UBA6: variants seen among roughly 807,000 people sequenced by gnomAD.
UBA6 encodes the protein ubiquitin-like modifier-activating enzyme 6.
Under a neutral mutation model 148.3 loss-of-function variants are expected in UBA6, and 87 were observed. The ratio of observed to expected loss-of-function variants is 0.59; its 90% CI spans 0.49 to 0.70. The LOEUF (loss-of-function observed/expected upper bound fraction) is 0.70, where lower values mean the gene tolerates loss of function less well. Ranked by LOEUF, UBA6 falls within the 30% of genes least tolerant of loss-of-function variation. UBA6 has a pLI of 0.00. For synonymous variants in UBA6, 376 were observed against 401.0 expected (o/e 0.94, Z 0.75); for missense variants, 1,186 against 1,241.2 (o/e 0.96, Z 0.67).
At chr4:67,658,898 C>T (rs562823845) in intron 13 of UBA6, among the ~76,000 whole-genome samples, 9 of 152,146 alleles carry the variant, frequency 5.9e-5, no homozygotes, top group Admixed American at 1.3e-4. Flanking sequence ...TTTTGCATTA[C>T]GGAATGGTTT....
At chr4:67,638,814 G>A (rs147301480) in intron 19 of UBA6, 129 bp downstream of exon 19, 27 of 605,364 alleles carry the variant, frequency 4.5e-5, no homozygotes, top group Admixed American at 3.2e-4. Context: ...AAGGGTTTGT[G>A]TTTGAGGAGT....
In UBA6 at chr4:67,665,236, G is replaced by A; in HGVS notation, c.850C>T (p.His284Tyr). 1.9e-6 allele frequency: 3 copies of A among 1,607,326 alleles called. No homozygotes were observed. Among genetic ancestry groups the A allele is most frequent in the Non-Finnish European group, 2.5e-6 (3 of 1,178,066 alleles). The change falls in exon 10 of 33, where the codon CAT (histidine) becomes TAT (tyrosine). Residue 284 changes from histidine (H) to tyrosine (Y), a missense_variant. His to Tyr is a moderately conservative substitution (Grantham distance 83). Coordinates refer to ENST00000322244, the MANE Select transcript of UBA6 (RefSeq NM_018227.6). ...GDTTELEPYL[H>Y]GGIAVQVKTP... ...TTAACTTGGACAGCTATGCCTCCATGTAAATATGGTTCCAGTTCTGTGGTG... is the reference window on the plus strand; with the variant it reads ...TTAACTTGGACAGCTATGCCTCCATATAAATATGGTTCCAGTTCTGTGGTG...
chr4:67,641,420 G>A lies in UBA6; in HGVS notation c.1477-192C>T, dbSNP rs752626296. On this transcript the variant is annotated intron_variant, in intron 17 of 32. Coordinates refer to ENST00000322244, the MANE Select transcript of UBA6 (RefSeq NM_018227.6). ...TATGTTTTATTTAATTGTAATTAAT[G>A]TTTTACATAGGAGCACATCAAACAA... Among the ~76,000 whole-genome samples the A allele has an allele frequency of 1.7e-4, 26 of 152,250 alleles. No individual in the cohort carries two copies. In the Middle Eastern group the frequency reaches 0.01, roughly 60 times the overall value.
Position 67,649,178 on chromosome 4 carries a change from A to T in UBA6, c.1138T>A (p.Ser380Thr). Residue 380 changes from serine to threonine, a missense_variant, in exon 14 of 33, where the codon TCT (serine) becomes ACT (threonine). Transcript: ENST00000322244. ...DVNADIVHWL[S>T]WTAQGFLSPL... is the part of the protein sequence containing the mutation. ...GATAAAAAGCCTTGGGCAGTCCAAG[A>T]GAGCCAATGCACAATGTCAGCATTT... The T allele has an allele frequency of 6.2e-7, 1 of 1,612,922 alleles. No homozygotes were observed. Among genetic ancestry groups the T allele is most frequent in the Non-Finnish European group, 8.5e-7 (1 of 1,179,562 alleles).
At chr4:67,656,007 A>C (rs1729680420) in intron 13 of UBA6, among the ~76,000 whole-genome samples, 1 of 152,242 alleles carries the variant, frequency 6.6e-6, no homozygotes, top group Non-Finnish European at 1.5e-5. Context: ...GAATCTCTGA[A>C]TAGAACAATA....
intron 9 of UBA6, among the ~76,000 whole-genome samples, chr4:67,667,151 C>T (rs1361356956): frequency 6.6e-6 from 1 of 152,044 alleles, no homozygotes; most frequent in African/African-American, 2.4e-5. Flanking sequence ...TTCACCACAA[C>T]ATGGACCCCG....
intron 1 of UBA6, among the ~76,000 whole-genome samples, chr4:67,700,460 G>A (rs1482011337): frequency 6.6e-6 from 1 of 151,940 alleles, no homozygotes; most frequent in Admixed American, 6.5e-5. Context: ...ACAGGGGCGG[G>A]AAAGACCTGA....
chr4:67,665,346 T>C, intron 9 of UBA6, 54 bp from the exon 10 acceptor site: 1 of 1,088,426 alleles, frequency 9.2e-7, no homozygotes, highest in South Asian at 1.5e-5. Context: ...ATATTTAAAT[T>C]TCAACTCTTA....
At chr4:67,628,799 T>A (rs932497832) in intron 27 of UBA6, among the ~76,000 whole-genome samples, 10 of 151,904 alleles carry the variant, frequency 6.6e-5, no homozygotes, top group African/African-American at 4.8e-5. Flanking sequence ...TAATTTTTAA[T>A]ACCCACAATG....
rs183740240 is a variant in UBA6 at position 67,614,672 on chromosome 4, T to A, written c.*4325A>T. The A allele has an allele frequency of 9.5e-4, 145 of 152,296 alleles. No individual in the cohort carries two copies. The highest frequency in any genetic ancestry group is 3.3e-3 in the African/African-American group (137 of 41,574). The allele number at this position is 152,296 out of a possible 1,614,324, so 9.4% of individuals were successfully genotyped here. On this transcript the variant is annotated 3_prime_UTR_variant, in exon 33 of 33. Coordinates refer to ENST00000322244, the MANE Select transcript of UBA6 (RefSeq NM_018227.6). ...GACTCCAGGGTAGGGAATGGTTTTT[T>A]AAAACAACTCACGCTCTAATTTTAA...
At chr4:67,693,041 A>C (rs987058163) in intron 2 of UBA6, among the ~76,000 whole-genome samples, 1 of 152,154 alleles carries the variant, frequency 6.6e-6, no homozygotes, top group African/African-American at 2.4e-5. Flanking sequence ...CAGAAATGAG[A>C]AAGCAAAAAA....
At chr4:67,671,210 A>G (rs1355361504) in intron 7 of UBA6, among the ~76,000 whole-genome samples, 1 of 152,190 alleles carries the variant, frequency 6.6e-6, no homozygotes, top group Non-Finnish European at 1.5e-5. Context: ...TTGGGCTTAA[A>G]GCTATTTTTA....
At chr4:67,666,336 TTAATA>T (rs1399552385) in intron 9 of UBA6, among the ~76,000 whole-genome samples, 1 of 151,228 alleles carries the variant, frequency 6.6e-6, no homozygotes, top group Non-Finnish European at 1.5e-5. Flanking sequence ...CCCCCTTTAC[TTAATA>T]TATTATATAA....
intron 14 of UBA6, among the ~76,000 whole-genome samples, chr4:67,648,549 G>A (rs1729478689): frequency 6.6e-6 from 1 of 151,966 alleles, no homozygotes; most frequent in South Asian, 2.1e-4. Flanking sequence ...AGGGCCTGGA[G>A]GCAGTATCCT....
intron 26 of UBA6, 136 bp downstream of exon 26, chr4:67,630,330 A>G: frequency 1.4e-6 from 1 of 690,374 alleles, no homozygotes; most frequent in Non-Finnish European, 2.4e-6. Context: ...TAGTATGGGT[A>G]AAAATACAAT....
chr4:67,699,916 A>C (rs1730935795), intron 1 of UBA6, among the ~76,000 whole-genome samples: 1 of 152,078 alleles, frequency 6.6e-6, no homozygotes, highest in African/African-American at 2.4e-5. Context: ...AAAGTTTTTT[A>C]TTATCTACTT....
chr4:67,662,545 C>A (rs1465009805), intron 12 of UBA6: 2 of 267,428 alleles, frequency 7.5e-6, no homozygotes, highest in Admixed American at 5.2e-5. Flanking sequence ...GCTCACTGCA[C>A]CCTCTGCCTC....
intron 2 of UBA6, among the ~76,000 whole-genome samples, chr4:67,693,175 T>C (rs1014052557): frequency 6.6e-6 from 1 of 152,074 alleles, no homozygotes; most frequent in African/African-American, 2.4e-5. Flanking sequence ...ACTCCTCCCC[T>C]TCCTCCTCCT....
rs115290671 is a variant in UBA6, at chr4:67,691,973, G to A, written c.134+4672C>T. ...TTGAGAAAAAGCGAAGTCATTATAA[G>A]ACCACTTAAAGCAAAAAGAAGGTAA... is the stretch of plus-strand genomic sequence containing the variant. On this transcript the variant is annotated intron_variant, in intron 2 of 32. Transcript: ENST00000322244. Among the ~76,000 whole-genome samples, 760 of 152,244 alleles carry A rather than the reference G, an allele frequency of 5.0e-3. 9 individuals are homozygous for A. Among genetic ancestry groups the A allele is most frequent in the African/African-American group, 0.017 (714 of 41,542 alleles).
Sources: allele counts gnomAD v4.1 joint callset (sites outside exome capture counted in the v4.1 genomes callset), GRCh38; gene constraint gnomAD v4.1.1; transcripts MANE v1.5; gene names NCBI Gene and HGNC (gene_info 2026-07-23, HGNC 2026-07-21).